Variants in EMID1 observed in about 807,000 individuals in gnomAD.
EMID1 encodes the protein EMI domain-containing protein 1.
Under a neutral mutation model 60.6 loss-of-function variants are expected in EMID1, and 40 were observed. The observed-to-expected ratio is 0.66, with a 90% CI of 0.51 to 0.86. EMID1 has a LOEUF of 0.86. Ranked by LOEUF, EMID1 falls within the 40% of genes least tolerant of loss-of-function variation. The pLI is 0.00. For synonymous variants in EMID1, 242 were observed against 231.0 expected, an observed-to-expected ratio of 1.05 and a Z score of -0.43; for missense variants, 585 against 597.1, an observed-to-expected ratio of 0.98 and a Z score of 0.21.
At chr22:29,206,306 T>C (rs1482084148) in intron 1 of EMID1, among the ~76,000 whole-genome samples, 167 bp downstream of exon 1, 1 of 151,978 alleles carries the variant, frequency 6.6e-6, no homozygotes, top group African/African-American at 2.4e-5. Flanking sequence ...GAGTGCGGGG[T>C]CCCCTACTCC....
chr22:29,220,615 A>G (rs537448333), intron 3 of EMID1, among the ~76,000 whole-genome samples: 1 of 151,882 alleles, frequency 6.6e-6, no homozygotes, highest in African/African-American at 2.4e-5. Flanking sequence ...CTCCAGGGAG[A>G]GAATGTCATG....
At chr22:29,211,406 C>T (rs916244031) in intron 1 of EMID1, among the ~76,000 whole-genome samples, 3 of 152,038 alleles carry the variant, frequency 2.0e-5, no homozygotes, top group Non-Finnish European at 2.9e-5. Flanking sequence ...CACGGAGGCC[C>T]GTGTGTCCAT....
chr22:29,231,341 C>A, intron 6 of EMID1: 1 of 876,902 alleles, frequency 1.1e-6, no homozygotes, highest in Non-Finnish European at 1.8e-6. Context: ...GGAGACCAAG[C>A]AGCCCCAGCA....
chr22:29,226,486 G>T lies in EMID1; in HGVS notation c.404-4G>T, dbSNP rs559953544. 6.2e-7 allele frequency: 1 copy of T among 1,610,954 alleles called. No homozygotes were observed. The highest frequency in any genetic ancestry group is 8.5e-7 in the Non-Finnish European group (1 of 1,178,524). On this transcript the variant is annotated splice_region_variant and splice_polypyrimidine_tract_variant and intron_variant, in intron 4 of 14. Coordinates refer to ENST00000334018, the MANE Select transcript of EMID1 (RefSeq NM_133455.4). ...CCTGGCCCCAGCTTCCTCCCTCCCCGCAGGTTGTCTCAACTGCAGCAAAGT... is the reference window on the plus strand; with the variant it reads ...CCTGGCCCCAGCTTCCTCCCTCCCCTCAGGTTGTCTCAACTGCAGCAAAGT...
At chr22:29,250,306 C>T (rs897934480) in intron 13 of EMID1, among the ~76,000 whole-genome samples, 3 of 152,190 alleles carry the variant, frequency 2.0e-5, no homozygotes, top group Admixed American at 6.5e-5. Context: ...TCACACACTG[C>T]GTTTGGTTGT....
intron 5 of EMID1, among the ~76,000 whole-genome samples, chr22:29,227,704 CAA>C (rs560219761): frequency 0.23 from 20,736 of 88,850 alleles, 1,595 homozygotes; most frequent in African/African-American, 0.35. Context: ...GACTCTGTCT[CAA>C]AAAAAAAAAA....
chr22:29,227,800 G>T (rs1184824664), intron 5 of EMID1, among the ~76,000 whole-genome samples: 2 of 151,464 alleles, frequency 1.3e-5, no homozygotes, highest in East Asian at 3.9e-4. Flanking sequence ...TGGATCACAA[G>T]GTCAGGAGTT....
intron 12 of EMID1, among the ~76,000 whole-genome samples, chr22:29,240,736 G>A (rs2041123536): frequency 6.6e-6 from 1 of 152,250 alleles, no homozygotes; most frequent in Admixed American, 6.5e-5. Context: ...CTTGCCACCT[G>A]TTTCTTTGTT....
At chr22:29,211,452 G>GT (rs1404528093) in intron 1 of EMID1, among the ~76,000 whole-genome samples, 7 of 152,140 alleles carry the variant, frequency 4.6e-5, no homozygotes, top group Non-Finnish European at 1.0e-4. Flanking sequence ...GTGTGTGCAC[G>GT]TGCTCACTGC....
intron 3 of EMID1, among the ~76,000 whole-genome samples, chr22:29,221,670 G>A (rs2040306452): frequency 6.6e-6 from 1 of 152,112 alleles, no homozygotes; most frequent in Non-Finnish European, 1.5e-5. Context: ...CACCACGCCC[G>A]GCCAGGATAT....
At chr22:29,231,784 A>T in intron 7 of EMID1, 102 bp downstream of exon 7, 1 of 1,175,268 alleles carries the variant, frequency 8.5e-7, no homozygotes. Context: ...GGGCCCTTTC[A>T]TCTACTTGCC....
intron 12 of EMID1, among the ~76,000 whole-genome samples, chr22:29,238,244 T>G (rs1171733786): frequency 7.9e-6 from 1 of 127,094 alleles, no homozygotes; most frequent in African/African-American, 3.3e-5. Flanking sequence ...TTCTCTGAAG[T>G]TTTTCTAAAA....
chr22:29,230,637 C>A (rs2040703526), intron 5 of EMID1, among the ~76,000 whole-genome samples: 1 of 152,152 alleles, frequency 6.6e-6, no homozygotes. Context: ...GTGCCTCCTG[C>A]CTCCCACACC....
Position 29,254,306 on chromosome 22 carries a change from A to G in EMID1, c.1204+19A>G. 6.2e-7 allele frequency: 1 copy of G among 1,609,948 alleles called. No individual in the cohort carries two copies. Among genetic ancestry groups the G allele is most frequent in the African/African-American group, 1.3e-5 (1 of 74,952 alleles). On this transcript the variant is annotated intron_variant, in intron 14 of 14. Transcript: ENST00000334018. ...CTCTATGGTGAGTAGAGACAGACAG[A>G]CGGACAGACGGCCCAGCCCCTGCCT...
intron 1 of EMID1, among the ~76,000 whole-genome samples, chr22:29,210,380 G>T (rs1054311303): frequency 6.6e-6 from 1 of 151,530 alleles, no homozygotes; most frequent in Non-Finnish European, 1.5e-5. Flanking sequence ...GGTATTACAG[G>T]CATGCACCAC....
intron 13 of EMID1, among the ~76,000 whole-genome samples, chr22:29,247,700 G>A (rs1261403627): frequency 5.3e-5 from 8 of 152,022 alleles, no homozygotes; most frequent in Non-Finnish European, 1.0e-4. Context: ...GTGTGATTTC[G>A]GCTCACTGCA....
At chr22:29,247,786 C>T (rs1030158671) in intron 13 of EMID1, among the ~76,000 whole-genome samples, 4 of 151,770 alleles carry the variant, frequency 2.6e-5, no homozygotes, top group Admixed American at 6.6e-5. Context: ...TGAGCCACCA[C>T]GCCCAGCTAA....
At chr22:29,257,139 C>T (rs79205708) in intron 14 of EMID1, among the ~76,000 whole-genome samples, 1,840 of 152,250 alleles carry the variant, frequency 0.012, 34 homozygotes, top group African/African-American at 0.042. Context: ...CCAGACACCT[C>T]AGAAGTCCCA....
At chr22:29,221,078 TG>T (rs2040275750) in intron 3 of EMID1, among the ~76,000 whole-genome samples, 1 of 63,694 alleles carries the variant, frequency 1.6e-5, no homozygotes, top group African/African-American at 8.2e-5. Context: ...TGTGTGTGTG[TG>T]TGTGTGTGTG....
Sources: allele counts gnomAD v4.1 joint callset (sites outside exome capture counted in the v4.1 genomes callset), GRCh38; gene constraint gnomAD v4.1.1; transcripts MANE v1.5; gene names NCBI Gene and HGNC (gene_info 2026-07-23, HGNC 2026-07-21).